PHTF2: variants seen among roughly 807,000 people sequenced by gnomAD.
The protein encoded by PHTF2 is protein PHTF2.
In PHTF2, 60 loss-of-function variants were observed where a neutral mutation model predicts 101.2. The observed-to-expected ratio is 0.59, with a 90% CI of 0.48 to 0.73. The LOEUF (loss-of-function observed/expected upper bound fraction) is 0.73. Among genes scored for constraint, PHTF2 ranks in the 30% least tolerant of loss-of-function variants. The pLI, the probability that PHTF2 is intolerant of heterozygous loss-of-function variation, is 0.00. For synonymous variants in PHTF2, 311 were observed against 307.3 expected (o/e 1.01, Z -0.13); for missense variants, 747 against 908.7 (o/e 0.82, Z 2.29).
intron 1 of PHTF2, among the ~76,000 whole-genome samples, chr7:77,818,025 T>C (rs1793989244): frequency 6.6e-6 from 1 of 151,502 alleles, no homozygotes; most frequent in Non-Finnish European, 1.5e-5. Context: ...CAGGAGAATC[T>C]CTTCAAACTG....
chr7:77,826,425 TAGTC>T (rs1794702223), intron 1 of PHTF2, among the ~76,000 whole-genome samples: 1 of 152,104 alleles, frequency 6.6e-6, no homozygotes, highest in African/African-American at 2.4e-5. Context: ...AGTATGGAAA[TAGTC>T]AGTCTAGAAC....
intron 1 of PHTF2, among the ~76,000 whole-genome samples, chr7:77,814,103 C>T (rs1467262781): frequency 6.6e-6 from 1 of 152,202 alleles, no homozygotes; most frequent in Admixed American, 6.5e-5. Context: ...ACTTCATTAA[C>T]TTTCCATCTA....
intron 6 of PHTF2, 113 bp downstream of exon 5, chr7:77,900,893 C>A: frequency 1.6e-6 from 1 of 634,912 alleles, no homozygotes; most frequent in South Asian, 1.8e-5. Flanking sequence ...TAAAGAAATA[C>A]TTGAGATTGG....
intron 17 of PHTF2, among the ~76,000 whole-genome samples, chr7:77,950,046 AT>A (rs746712340): frequency 2.0e-5 from 3 of 152,094 alleles, no homozygotes; most frequent in Non-Finnish European, 4.4e-5. Flanking sequence ...TCCCATTTTT[AT>A]TTGACAAGAA....
chr7:77,927,408 C>CGG (rs905840703), intron 11 of PHTF2, among the ~76,000 whole-genome samples: 1 of 151,838 alleles, frequency 6.6e-6, no homozygotes, highest in African/African-American at 2.4e-5. Flanking sequence ...CCAGCCTGGC[C>CGG]AACATGGTGA....
chr7:77,892,005 C>T (rs1383659141), intron 3 of PHTF2, among the ~76,000 whole-genome samples: 2 of 152,190 alleles, frequency 1.3e-5, no homozygotes, highest in African/African-American at 4.8e-5. Flanking sequence ...TAGCCGGGTG[C>T]GTTGGCTCAC....
At chr7:77,865,188 T>C (rs570921207) in intron 3 of PHTF2, among the ~76,000 whole-genome samples, 101 of 152,240 alleles carry the variant, frequency 6.6e-4, no homozygotes, top group African/African-American at 2.3e-3. Flanking sequence ...GCTAAATTCA[T>C]TCTGCTCCAT....
At chr7:77,896,676 G>A (rs187364831) in intron 5 of PHTF2, among the ~76,000 whole-genome samples, 2 of 152,242 alleles carry the variant, frequency 1.3e-5, no homozygotes, top group Non-Finnish European at 2.9e-5. Context: ...AAACATTCTA[G>A]TGGAGGCAAA....
At chr7:77,816,227 AC>A (rs753096576) in intron 1 of PHTF2, among the ~76,000 whole-genome samples, 8 of 152,148 alleles carry the variant, frequency 5.3e-5, no homozygotes, top group Non-Finnish European at 1.0e-4. Flanking sequence ...GGTGCGTACC[AC>A]AATGCCTGGC....
chr7:77,893,107 T>G (rs541124617), intron 3 of PHTF2, among the ~76,000 whole-genome samples: 4 of 152,170 alleles, frequency 2.6e-5, no homozygotes, highest in Non-Finnish European at 5.9e-5. Flanking sequence ...TTTTTTAATT[T>G]TTATTTTAGG....
intron 2 of PHTF2, among the ~76,000 whole-genome samples, chr7:77,850,413 G>C (rs1796659553): frequency 6.8e-6 from 1 of 146,720 alleles, no homozygotes; most frequent in Non-Finnish European, 1.5e-5. Context: ...CCTAAGGCAG[G>C]AGGGTCTCTT....
chr7:77,888,208 G>A (rs563256256), intron 3 of PHTF2, among the ~76,000 whole-genome samples: 200 of 152,056 alleles, frequency 1.3e-3, no homozygotes, highest in African/African-American at 4.6e-3. Flanking sequence ...TCCTCCTCCC[G>A]GGTTCAAGTG....
chr7:77,891,823 C>A (rs895592473), intron 3 of PHTF2, among the ~76,000 whole-genome samples: 4 of 152,010 alleles, frequency 2.6e-5, no homozygotes, highest in African/African-American at 9.7e-5. Flanking sequence ...TGGGCTCAAG[C>A]GATTCTCCCA....
chr7:77,800,635 A>G (rs1478022384), intron 1 of PHTF2, among the ~76,000 whole-genome samples: 1 of 152,080 alleles, frequency 6.6e-6, no homozygotes. Context: ...TTTTTAAACC[A>G]TGAACTTTTT....
chr7:77,843,787 C>T (rs1018550673), intron 2 of PHTF2, among the ~76,000 whole-genome samples: 8 of 152,050 alleles, frequency 5.3e-5, no homozygotes, highest in South Asian at 2.1e-4. Flanking sequence ...AAAATGTATA[C>T]AATATACATA....
intron 7 of PHTF2, among the ~76,000 whole-genome samples, chr7:77,903,999 G>A (rs919055069): frequency 2.0e-5 from 3 of 151,976 alleles, no homozygotes; most frequent in Non-Finnish European, 4.4e-5. Context: ...CCCCATTTCT[G>A]CATGTCTTGG....
chr7:77,934,951 CA>C (rs796126878), intron 12 of PHTF2, among the ~76,000 whole-genome samples: 55 of 129,192 alleles, frequency 4.3e-4, no homozygotes, highest in Non-Finnish European at 3.2e-4. Flanking sequence ...AACACAGTCT[CA>C]AAAAAAAAAA....
intron 3 of PHTF2, among the ~76,000 whole-genome samples, chr7:77,868,919 A>AT (rs764906258): frequency 1.3e-5 from 2 of 152,158 alleles, no homozygotes; most frequent in East Asian, 1.9e-4. Flanking sequence ...ATTCCCTTTC[A>AT]TTTTGGCTTG....
intron 3 of PHTF2, among the ~76,000 whole-genome samples, chr7:77,886,758 C>T (rs1278713035): frequency 6.6e-6 from 1 of 152,060 alleles, no homozygotes; most frequent in Non-Finnish European, 1.5e-5. Flanking sequence ...GGAAGTGATA[C>T]AGTGGCTGGG....
Sources: gnomAD v4.1 joint callset for allele counts (sites outside exome capture counted in the v4.1 genomes callset) on GRCh38, gnomAD v4.1.1 for gene constraint, MANE v1.5 for transcripts, NCBI Gene and HGNC (gene_info 2026-07-23, HGNC 2026-07-21) for gene names.